Variants in BRCA1 observed in about 807,000 individuals in gnomAD.
BRCA1 encodes breast cancer type 1 susceptibility protein.
BRCA1 carries 140 observed loss-of-function variants against 173.7 expected under a neutral mutation model. The observed-to-expected ratio is 0.81, with a 90% CI of 0.70 to 0.93. The LOEUF is 0.93. BRCA1 is among the 40% of genes least tolerant of loss of function. The pLI, the probability that BRCA1 is intolerant of heterozygous loss-of-function variation, is 0.00. For synonymous variants in BRCA1, 662 were observed against 756.0 expected (o/e 0.88, Z 2.04); for missense variants, 1,983 against 2,172.5 (o/e 0.91, Z 1.73).
chr17:43,145,349 C>T (rs1182244205), intron 1 of BRCA1: 7 of 373,920 alleles, frequency 1.9e-5, no homozygotes, highest in African/African-American at 8.0e-5. Flanking sequence ...TTTTTTGAGA[C>T]AGAGTCTCGC....
At chr17:43,106,211 CA>C (rs2054756209) in intron 4 of BRCA1, among the ~76,000 whole-genome samples, 1 of 151,588 alleles carries the variant, frequency 6.6e-6, no homozygotes, top group African/African-American at 2.4e-5. Context: ...CCCTACTTTA[CA>C]TAAGTCTGCA....
At chr17:43,110,838 T>C (rs1039238220) in intron 3 of BRCA1, among the ~76,000 whole-genome samples, 1 of 151,946 alleles carries the variant, frequency 6.6e-6, no homozygotes, top group Non-Finnish European at 1.5e-5. Flanking sequence ...TGGTGGCTAA[T>C]GCCTGTAATC....
chr17:43,100,574 C>CATATATATATAATAT (rs200639029), intron 6 of BRCA1, among the ~76,000 whole-genome samples: 5 of 56,316 alleles, frequency 8.9e-5, no homozygotes, highest in African/African-American at 3.2e-4. Context: ...ATATATATAA[C>CATATATATATAATAT]ATATATATAA....
intron 6 of BRCA1, among the ~76,000 whole-genome samples, chr17:43,100,678 AATATATATAT>A (rs56679756): frequency 2.8e-5 from 1 of 36,280 alleles, no homozygotes; most frequent in African/African-American, 1.2e-4. Context: ...ATATATATAT[AATATATATAT>A]ATATATATAT....
intron 2 of BRCA1, among the ~76,000 whole-genome samples, chr17:43,121,920 G>A (rs1459424126): frequency 6.6e-6 from 1 of 152,022 alleles, no homozygotes; most frequent in African/African-American, 2.4e-5. Flanking sequence ...GTATCCAAAT[G>A]CCACACTATT....
rs1555591384 is a variant in BRCA1, at chr17:43,093,856, C to T, written c.1675G>A (p.Gly559Ser). 1 of 1,613,614 alleles carries T rather than the reference C, an allele frequency of 6.2e-7. No homozygotes were observed. Among genetic ancestry groups the T allele is most frequent in the Non-Finnish European group, 8.5e-7 (1 of 1,179,932 alleles). ...TTTTTCTCATTCTGAATAGAATCAC[C>T]TTTTGTTTTATTCTCATGACCACTA... Reference protein sequence around the residue: ...TNSGHENKTKGDSIQNEKNPN... With the variant: ...TNSGHENKTKSDSIQNEKNPN... The change falls in exon 10 of 23, where the codon GGT (glycine) becomes AGT (serine). Residue 559 changes from glycine (G) to serine (S), a missense_variant. By Grantham distance (56) the Gly-to-Ser change is moderately conservative (BLOSUM62 0). Transcript: ENST00000357654.
intron 1 of BRCA1, among the ~76,000 whole-genome samples, chr17:43,133,881 T>C (rs940015935): frequency 2.0e-5 from 3 of 152,176 alleles, no homozygotes; most frequent in Non-Finnish European, 2.9e-5. Flanking sequence ...GTGATCCGCC[T>C]GCCTCGGACA....
chr17:43,145,477 C>T (rs570199388), intron 1 of BRCA1, among the ~76,000 whole-genome samples: 12 of 152,158 alleles, frequency 7.9e-5, no homozygotes, highest in Non-Finnish European at 1.8e-4. Context: ...CAGGCGCCCA[C>T]CATCACGCCC....
chr17:43,056,562 G>C (rs1426791975), intron 19 of BRCA1, among the ~76,000 whole-genome samples: 1 of 152,160 alleles, frequency 6.6e-6, no homozygotes, highest in Non-Finnish European at 1.5e-5. Flanking sequence ...GGCCAAGGCG[G>C]GAGGATCACA....
chr17:43,112,739 GAAACC>G (rs2055098172), intron 3 of BRCA1: 1 of 49,842 alleles, frequency 2.0e-5, no homozygotes, highest in Admixed American at 1.7e-4. Flanking sequence ...TCACAAGCTT[GAAACC>G]AAGCTTCTCA....
chr17:43,104,959 G>T lies in BRCA1; in HGVS notation c.213-3C>A, dbSNP rs80358119. ...ATCTCGTACTTTCTTGTAGGCTCCT[G>T]AAATTAAATTGTTTGAGAAACACAC... is the stretch of plus-strand genomic sequence containing the variant. On this transcript the variant is annotated splice_polypyrimidine_tract_variant and splice_region_variant and intron_variant, in intron 4 of 22. Transcript: ENST00000357654. 1 of 1,611,794 alleles carries T rather than the reference G, an allele frequency of 6.2e-7. No homozygotes were observed. Among genetic ancestry groups the T allele is most frequent in the Non-Finnish European group, 8.5e-7 (1 of 1,178,312 alleles).
intron 1 of BRCA1, among the ~76,000 whole-genome samples, chr17:43,147,100 G>T (rs1198104463): frequency 6.6e-6 from 1 of 152,140 alleles, no homozygotes; most frequent in Non-Finnish European, 1.5e-5. Flanking sequence ...TGCCTCCTGG[G>T]TTCAAGCAAT....
Position 43,067,598 on chromosome 17 carries a change from C to G in BRCA1, c.5074+10G>C, listed in dbSNP as rs780970459. 1 of 1,592,818 alleles carries G rather than the reference C, an allele frequency of 6.3e-7. No individual in the cohort carries two copies. Among genetic ancestry groups the G allele is most frequent in the East Asian group, 2.2e-5 (1 of 44,756 alleles). On this transcript the variant is annotated intron_variant, in intron 16 of 22. Transcript: ENST00000357654. Reference sequence around the variant, plus strand: ...AGATGCAAGGTATTCTGTAAAGGTTCTTGGTATACCTGTTTTCATAACAAC... The same window carrying G: ...AGATGCAAGGTATTCTGTAAAGGTTGTTGGTATACCTGTTTTCATAACAAC...
At chr17:43,082,776 G>A (rs935679764) in intron 11 of BRCA1, 4 of 624,284 alleles carry the variant, frequency 6.4e-6, no homozygotes, top group Non-Finnish European at 1.1e-5. Context: ...TGATGTTAGT[G>A]AGGGAAAAAA....
intron 7 of BRCA1, among the ~76,000 whole-genome samples, chr17:43,098,634 T>C (rs1322675894): frequency 6.6e-6 from 1 of 151,272 alleles, no homozygotes; most frequent in African/African-American, 2.4e-5. Context: ...CCCAAAGTAT[T>C]GGGATTACAG....
At chr17:43,056,952 TA>T in intron 19 of BRCA1, 99 bp downstream of exon 19, 1 of 1,062,816 alleles carries the variant, frequency 9.4e-7, no homozygotes, top group Non-Finnish European at 1.5e-6. Flanking sequence ...TGTATGTATG[TA>T]ATAAGTCTTA....
At chr17:43,104,783 C>A (rs2054664286) in intron 5 of BRCA1, 85 bp downstream of exon 5, 1 of 1,237,924 alleles carries the variant, frequency 8.1e-7, no homozygotes, top group South Asian at 1.2e-5. Context: ...GGTCTTATCA[C>A]CACGTCATAG....
intron 4 of BRCA1, among the ~76,000 whole-genome samples, chr17:43,106,182 T>TG (rs1226380588): frequency 6.8e-6 from 1 of 146,390 alleles, no homozygotes; most frequent in Non-Finnish European, 1.5e-5. Flanking sequence ...TAACAGACAA[T>TG]GGGGGCACGG....
At chr17:43,145,445 GC>G (rs1056660242) in intron 1 of BRCA1, among the ~76,000 whole-genome samples, 56 of 151,462 alleles carry the variant, frequency 3.7e-4, no homozygotes, top group African/African-American at 1.3e-3. Flanking sequence ...TCCTGTCTCA[GC>G]CTCCCGTGTA....
Sources: gnomAD v4.1 joint callset for allele counts (sites outside exome capture counted in the v4.1 genomes callset) on GRCh38, gnomAD v4.1.1 for gene constraint, MANE v1.5 for transcripts, NCBI Gene and HGNC (gene_info 2026-07-23, HGNC 2026-07-21) for gene names.